PDZD2: variants seen among roughly 807,000 people sequenced by gnomAD.
The protein encoded by PDZD2 is PDZ domain containing 2.
In PDZD2, 90 loss-of-function variants were observed where a neutral mutation model predicts 220.7. The observed-to-expected ratio is 0.41, with a 90% CI of 0.34 to 0.49. The LOEUF is 0.49. Among genes scored for constraint, PDZD2 ranks in the 20% least tolerant of loss-of-function variants. PDZD2 has a pLI of 0.28. For missense variants in PDZD2, 3,174 were observed against 3,608.5 expected (o/e 0.88, Z 3.08); for synonymous variants, 1,375 against 1,450.5 (o/e 0.95, Z 1.18).
chr5:31,868,912 A>G (rs1738483659), intron 2 of PDZD2, among the ~76,000 whole-genome samples: 1 of 152,116 alleles, frequency 6.6e-6, no homozygotes, highest in South Asian at 2.1e-4. Flanking sequence ...AGCTGGAACT[A>G]CAGGCGTGCG....
intron 2 of PDZD2, among the ~76,000 whole-genome samples, chr5:31,888,960 C>T (rs1040061216): frequency 6.6e-6 from 1 of 152,094 alleles, no homozygotes; most frequent in Non-Finnish European, 1.5e-5. Context: ...AAACTTTAGA[C>T]CAACCTCCGT....
intron 2 of PDZD2, among the ~76,000 whole-genome samples, chr5:31,947,256 G>A (rs1746724964): frequency 6.6e-6 from 1 of 152,148 alleles, no homozygotes; most frequent in African/African-American, 2.4e-5. Flanking sequence ...TCTAAGCCCC[G>A]GGGGCCTTGT....
intron 2 of PDZD2, among the ~76,000 whole-genome samples, chr5:31,877,372 C>G (rs373044730): frequency 2.0e-5 from 3 of 151,978 alleles, no homozygotes; most frequent in Non-Finnish European, 4.4e-5. Context: ...CATACCACCA[C>G]GCTGAGCTAA....
intron 1 of PDZD2, among the ~76,000 whole-genome samples, chr5:31,767,027 CT>C (rs3032828): frequency 0.34 from 32,049 of 94,158 alleles, 4,596 homozygotes; most frequent in African/African-American, 0.46. Context: ...TGCACCCAGC[CT>C]TTTTTTTTTT....
At chr5:32,070,717 C>G (rs7726066) in intron 15 of PDZD2, among the ~76,000 whole-genome samples, 1 of 152,196 alleles carries the variant, frequency 6.6e-6, no homozygotes, top group Non-Finnish European at 1.5e-5. Flanking sequence ...TCCATGGAGC[C>G]GGGCGCCATG....
At chr5:32,045,650 A>G (rs1332562211) in intron 7 of PDZD2, among the ~76,000 whole-genome samples, 1 of 150,566 alleles carries the variant, frequency 6.6e-6, no homozygotes, top group African/African-American at 2.4e-5. Flanking sequence ...GATGGTCTCG[A>G]TCTCATGACC....
intron 1 of PDZD2, among the ~76,000 whole-genome samples, chr5:31,791,590 C>CAAAAAAAAA: frequency 2.0e-5 from 1 of 50,440 alleles, no homozygotes; most frequent in Admixed American, 2.7e-4. Context: ...AACTCCGTCT[C>CAAAAAAAAA]AAAAAAAAAA....
chr5:31,746,775 G>A (rs772320151), intron 1 of PDZD2, among the ~76,000 whole-genome samples: 2 of 152,212 alleles, frequency 1.3e-5, no homozygotes, highest in Non-Finnish European at 2.9e-5. Context: ...TTCCCAAAGA[G>A]GAGGAAAGAT....
chr5:32,079,639 T>C (rs533554479), intron 19 of PDZD2, among the ~76,000 whole-genome samples: 2 of 151,744 alleles, frequency 1.3e-5, no homozygotes, highest in South Asian at 2.1e-4. Context: ...AAACCCAGTC[T>C]CTACTAAAAA....
chr5:31,762,500 C>A (rs1751711800), intron 1 of PDZD2, among the ~76,000 whole-genome samples: 1 of 152,136 alleles, frequency 6.6e-6, no homozygotes, highest in South Asian at 2.1e-4. Context: ...GTTGGTCAGG[C>A]TAGTCTCAAA....
chr5:31,800,119 G>A (rs1441902802), intron 2 of PDZD2, among the ~76,000 whole-genome samples: 2 of 152,232 alleles, frequency 1.3e-5, no homozygotes, highest in East Asian at 3.9e-4. Flanking sequence ...GTGTTTCCCA[G>A]GTGAATCAGG....
At chr5:32,022,865 G>A (rs1261760881) in intron 6 of PDZD2, among the ~76,000 whole-genome samples, 5 of 152,134 alleles carry the variant, frequency 3.3e-5, no homozygotes, top group Non-Finnish European at 7.3e-5. Context: ...TGAGTGACAG[G>A]GTCAGAGTTT....
chr5:31,804,351 C>T (rs1370557083), intron 2 of PDZD2, among the ~76,000 whole-genome samples: 1 of 152,146 alleles, frequency 6.6e-6, no homozygotes, highest in East Asian at 1.9e-4. Context: ...AAGTCCTGTG[C>T]TCCTATTGCC....
At chr5:31,921,985 A>C (rs888735247) in intron 2 of PDZD2, among the ~76,000 whole-genome samples, 2 of 152,190 alleles carry the variant, frequency 1.3e-5, no homozygotes, top group African/African-American at 4.8e-5. Context: ...AGCCAGCCAC[A>C]TTCTTGTGTC....
chr5:31,926,206 C>A (rs68070627), intron 2 of PDZD2, among the ~76,000 whole-genome samples: 14,762 of 142,852 alleles, frequency 0.1, 842 homozygotes, highest in South Asian at 0.24. Flanking sequence ...GGCAACGGAG[C>A]AAGACCCTGT....
At chr5:31,708,241 C>A (rs898929626) in intron 1 of PDZD2, among the ~76,000 whole-genome samples, 3 of 152,126 alleles carry the variant, frequency 2.0e-5, no homozygotes, top group Non-Finnish European at 4.4e-5. Flanking sequence ...TATGACTCAC[C>A]CACAATTATA....
intron 2 of PDZD2, among the ~76,000 whole-genome samples, chr5:31,898,591 G>A (rs1216334843): frequency 6.6e-6 from 1 of 152,182 alleles, no homozygotes; most frequent in East Asian, 1.9e-4. Context: ...AGTACCACTG[G>A]TGTGCGTTGT....
rs148631937 is a variant in PDZD2 at position 31,669,667 on chromosome 5, C to T, written c.-361+30230C>T. On this transcript the variant is annotated intron_variant, in intron 1 of 24. Transcript: ENST00000438447. ...AAGTTCACAGTAACAGAGGTGGGAT[C>T]AATCAACAGGAAAAATTATTAGGAG... Among the ~76,000 whole-genome samples the T allele has an allele frequency of 2.2e-4, 34 of 152,264 alleles. No homozygotes were observed. In the East Asian group the frequency reaches 6.6e-3, roughly 29 times the overall value.
chr5:31,709,649 T>G (rs1747995126), intron 1 of PDZD2, among the ~76,000 whole-genome samples: 1 of 152,104 alleles, frequency 6.6e-6, no homozygotes, highest in Non-Finnish European at 1.5e-5. Flanking sequence ...CTTCAGTATC[T>G]TTTCCAAGGC....
Sources: allele counts gnomAD v4.1 joint callset (sites outside exome capture counted in the v4.1 genomes callset), GRCh38; gene constraint gnomAD v4.1.1; transcripts MANE v1.5; gene names NCBI Gene and HGNC (gene_info 2026-07-23, HGNC 2026-07-21).